COL9A2: variants seen among roughly 807,000 people sequenced by gnomAD.
COL9A2 encodes the protein collagen type IX alpha 2 chain.
Under a neutral mutation model 111.6 loss-of-function variants are expected in COL9A2, and 66 were observed. The observed-to-expected ratio is 0.59, with a 90% confidence interval of 0.48 to 0.73. The LOEUF is 0.73. Among genes scored for constraint, COL9A2 ranks in the 30% least tolerant of loss-of-function variants. COL9A2 has a pLI of 0.00. For synonymous variants in COL9A2, 353 were observed against 364.1 expected (o/e 0.97, Z 0.35); for missense variants, 881 against 954.1 (o/e 0.92, Z 1.01).
rs1457313425 is a variant in COL9A2 at position 40,309,831 on chromosome 1, TCA to T, written c.846+105_846+106del. On this transcript the variant is annotated intron_variant, in intron 16 of 31. Transcript: ENST00000372748. ...ACTCACACACACTACACATTCACAC[TCA>T]CGCACACACTCATGCACTCTCACAC... 4.2e-5 allele frequency: 45 copies of T among 1,064,596 alleles called. 1 individual carries two copies. In the Admixed American group the frequency reaches 7.3e-4, roughly 17 times the overall value. The allele number at this position is 1,064,596 out of a possible 1,614,324, so 65.9% of individuals were successfully genotyped here.
At position 40,301,279 on chromosome 1, in the gene COL9A2, A is replaced by C; in HGVS notation, c.1973T>G (p.Val658Gly). Reference sequence around the variant, plus strand: ...AGGTTCACAGAAGCCCGGCAGCCCCACGGGGCCTGGCAGGCCAGGTCGACC... The same window carrying C: ...AGGTTCACAGAAGCCCGGCAGCCCCCCGGGGCCTGGCAGGCCAGGTCGACC... ...EAGRPGLPGP[V>G]GLPGFCEPAA... The change falls in exon 32 of 32, where the codon GTG becomes GGG. Residue 658 changes from valine (V) to glycine (G), a missense_variant. Coordinates refer to ENST00000372748, the MANE Select transcript of COL9A2 (RefSeq NM_001852.4). The C allele has an allele frequency of 6.2e-7, 1 of 1,613,846 alleles. No homozygotes were observed. Among genetic ancestry groups the C allele is most frequent in the Non-Finnish European group, 8.5e-7 (1 of 1,179,878 alleles).
At position 40,317,225 on chromosome 1, in the gene COL9A2, G is replaced by C. The variant is rs1466237616; in HGVS notation, c.-28C>G. The C allele has an allele frequency of 1.3e-6, 2 of 1,548,786 alleles. No individual in the cohort carries two copies. Among genetic ancestry groups the C allele is most frequent in the Non-Finnish European group, 1.7e-6 (2 of 1,142,972 alleles). On this transcript the variant is annotated 5_prime_UTR_variant, in exon 1 of 32. Coordinates refer to ENST00000372748, the MANE Select transcript of COL9A2 (RefSeq NM_001852.4). This position sits in a 1 kb window ranked among gnomAD's most constrained non-coding sequence, Gnocchi z 4.3. ...CTGGCGGCGAGACCAAGGGGGACGG[G>C]TGCGTGTCCGCGCACGCACCGACGG...
chr1:40,311,968 G>C lies in COL9A2; in HGVS notation c.417+91C>G. 2 of 1,362,236 alleles carry C rather than the reference G, an allele frequency of 1.5e-6. No homozygotes were observed. The highest frequency in any genetic ancestry group is 2.5e-5 in the South Asian group (2 of 80,316). The allele number at this position is 1,362,236 out of a possible 1,614,324, so 84.4% of individuals were successfully genotyped here. ...TGGAGGAGTTTCCCAGTGGCCAGGAGCAGGCCCAGGAACTTCCAGAAAGAC... is the reference window on the plus strand; with the variant it reads ...TGGAGGAGTTTCCCAGTGGCCAGGACCAGGCCCAGGAACTTCCAGAAAGAC... On this transcript the variant is annotated intron_variant, in intron 8 of 31. Coordinates refer to ENST00000372748, the MANE Select transcript of COL9A2 (RefSeq NM_001852.4). The surrounding 1 kb of genome is among the most constrained non-coding windows in gnomAD (Gnocchi z 5.1).
chr1:40,312,840 A>G lies in COL9A2; in HGVS notation c.250-56T>C. On this transcript the variant is annotated intron_variant, in intron 4 of 31. Coordinates refer to ENST00000372748, the MANE Select transcript of COL9A2 (RefSeq NM_001852.4). This position sits in a 1 kb window ranked among gnomAD's most constrained non-coding sequence, Gnocchi z 6.0. ...AGGGCCAACCTGCTCCCTGACCCAC[A>G]GAGCAGGGCAGGTTCAAGGGTCCCT... 1.3e-6 allele frequency: 2 copies of G among 1,484,802 alleles called. No homozygotes were observed. The highest frequency in any genetic ancestry group is 9.2e-7 in the Non-Finnish European group (1 of 1,088,188). The allele number at this position is 1,484,802 out of a possible 1,614,324, so 92.0% of individuals were successfully genotyped here. A position where few individuals can be genotyped will look rare whatever the true frequency, so the allele number is the denominator to read the frequency against.
At chr1:40,308,475 C>G (rs1159379511) in intron 16 of COL9A2, among the ~76,000 whole-genome samples, 1 of 152,228 alleles carries the variant, frequency 6.6e-6, no homozygotes, top group Non-Finnish European at 1.5e-5. Flanking sequence ...TGAGCCAGAG[C>G]AGGGGTGGGA....
In COL9A2 at chr1:40,314,395, A is replaced by G. The variant is rs144162904; in HGVS notation, c.151-8T>C. On this transcript the variant is annotated splice_polypyrimidine_tract_variant and splice_region_variant and intron_variant, in intron 2 of 31. Transcript: ENST00000372748. This position sits in a 1 kb window ranked among gnomAD's most constrained non-coding sequence, Gnocchi z 4.1. ...AGGGGGCCCATTGTCACCCTGCAAGATACAAGTTGGTGAGACAGCACACTA... is the reference window on the plus strand; with the variant it reads ...AGGGGGCCCATTGTCACCCTGCAAGGTACAAGTTGGTGAGACAGCACACTA... 2.0e-4 allele frequency: 330 copies of G among 1,614,174 alleles called. 1 individual carries two copies. The African/African-American group carries it at 3.3e-3, about 16-fold the overall frequency.
chr1:40,306,488 A>G (rs1475846713), intron 19 of COL9A2, among the ~76,000 whole-genome samples: 2 of 152,194 alleles, frequency 1.3e-5, no homozygotes, highest in Non-Finnish European at 2.9e-5. Context: ...TGTGCACAGA[A>G]ACAGGTTTGG....
chr1:40,310,630 C>T lies in COL9A2; in HGVS notation c.684+84G>A, dbSNP rs1644107696. On this transcript the variant is annotated intron_variant, in intron 13 of 31. Transcript: ENST00000372748. The surrounding 1 kb of genome is among the most constrained non-coding windows in gnomAD (Gnocchi z 4.9). The stretch of plus-strand genomic sequence containing the variant: ...TAGACACAGGTGTCTCTTTTACAAG[C>T]TAGAGGCCTGAGCAGGGGAATGACT... 1 of 1,228,374 alleles carries T rather than the reference C, an allele frequency of 8.1e-7. No homozygotes were observed. The highest frequency in any genetic ancestry group is 1.2e-6 in the Non-Finnish European group (1 of 852,348). 76.1% of individuals were successfully genotyped at this position (1,228,374 alleles called of 1,614,324 possible).
Position 40,310,016 on chromosome 1 carries a change from C to A in COL9A2, c.793-25G>T. The A allele has an allele frequency of 1.2e-6, 2 of 1,614,182 alleles. No homozygotes were observed. The highest frequency in any genetic ancestry group is 8.5e-7 in the Non-Finnish European group (1 of 1,180,018). On this transcript the variant is annotated intron_variant, in intron 15 of 31. Transcript: ENST00000372748. The surrounding 1 kb of genome is among the most constrained non-coding windows in gnomAD (Gnocchi z 4.9). ...CCTGGCAAGAAAGACAAGCAGGAAT[C>A]CAGGTCACACAGGCTCAGGGGGAGC...
rs12077871 is a variant in COL9A2, at chr1:40,307,478, G to A, written c.976C>T (p.Gln326Ter). 22,894 of 1,614,022 alleles carry A rather than the reference G, an allele frequency of 0.014. 939 individuals are homozygous for A. The highest frequency in any genetic ancestry group is 0.12 in the East Asian group (5,160 of 44,864). The change falls in exon 19 of 32, where the codon CAG becomes TAG. Residue 326 changes from glutamine (Q) to a stop codon, truncating the protein, a stop_gained. Coordinates refer to ENST00000372748, the MANE Select transcript of COL9A2 (RefSeq NM_001852.4). LOFTEE classifies it high-confidence loss of function. The surrounding 1 kb of genome is among the most constrained non-coding windows in gnomAD (Gnocchi z 4.8). ...GMKGSAGQAG[Q>*]PGSPGHQGLA... ...CCCTGGTGGCCTGGACTTCCGGGCTGTCCCGCCTGTCCTGCACTGCCCTGG... is the reference window on the plus strand; with the variant it reads ...CCCTGGTGGCCTGGACTTCCGGGCTATCCCGCCTGTCCTGCACTGCCCTGG...
At position 40,308,213 on chromosome 1, in the gene COL9A2, G is replaced by C. The variant is rs371503621; in HGVS notation, c.879C>G (p.Ile293Met). ...CTACCGTTGCTCCTTTCGGGCCTGT[G>C]ATCCCCTGGGGTCCACGAATACCTG... is the stretch of plus-strand genomic sequence containing the variant. ...GSPGIRGPQG[I>M]TGPKGATGPP... is the part of the protein sequence containing the mutation. Residue 293 changes from isoleucine (I) to methionine (M), a missense_variant, in exon 17 of 32, where the codon ATC (isoleucine) becomes ATG (methionine). Transcript: ENST00000372748. 1 of 1,614,042 alleles carries C rather than the reference G, an allele frequency of 6.2e-7. No individual in the cohort carries two copies. The highest frequency in any genetic ancestry group is 1.3e-5 in the African/African-American group (1 of 74,934).
In COL9A2 at chr1:40,311,743, C is replaced by T. The variant is rs749797693; in HGVS notation, c.418-28G>A. ...GGAAGCAAAAGAAGCCCAAATCATA[C>T]CCCTGACCAGCCCTTACCAGCTTAC... On this transcript the variant is annotated intron_variant, in intron 8 of 31. Coordinates refer to ENST00000372748, the MANE Select transcript of COL9A2 (RefSeq NM_001852.4). The surrounding 1 kb of genome is among the most constrained non-coding windows in gnomAD (Gnocchi z 5.1). 1 of 1,612,566 alleles carries T rather than the reference C, an allele frequency of 6.2e-7. No individual in the cohort carries two copies. Among genetic ancestry groups the T allele is most frequent in the Non-Finnish European group, 8.5e-7 (1 of 1,179,256 alleles).
Position 40,311,216 on chromosome 1 carries a change from C to T in COL9A2, c.576+14G>A. 14 of 1,614,182 alleles carry T rather than the reference C, an allele frequency of 8.7e-6. No homozygotes were observed. Among genetic ancestry groups the T allele is most frequent in the Non-Finnish European group, 1.1e-5 (13 of 1,179,984 alleles). ...CTGCACCACCCTCCCAAGATTCAGG[C>T]CAGGAGCTCTCACCTTCACTCCCTG... On this transcript the variant is annotated intron_variant, in intron 11 of 31. Coordinates refer to ENST00000372748, the MANE Select transcript of COL9A2 (RefSeq NM_001852.4). The surrounding 1 kb of genome is among the most constrained non-coding windows in gnomAD (Gnocchi z 5.1).
At position 40,302,938 on chromosome 1, in the gene COL9A2, G is replaced by C; in HGVS notation, c.1604-129C>G. On this transcript the variant is annotated intron_variant, in intron 29 of 31. Transcript: ENST00000372748. The surrounding 1 kb of genome is among the most constrained non-coding windows in gnomAD (Gnocchi z 4.5). Reference sequence around the variant, plus strand: ...TGCAGACAGAAAAGCACCACCTTCCGTGGGCTCTGTTTTGCGGAAGTCAAA... The same window carrying C: ...TGCAGACAGAAAAGCACCACCTTCCCTGGGCTCTGTTTTGCGGAAGTCAAA... The C allele has an allele frequency of 1.7e-6, 2 of 1,144,996 alleles. No individual in the cohort carries two copies. The highest frequency in any genetic ancestry group is 2.5e-6 in the Non-Finnish European group (2 of 793,446). The allele number at this position is 1,144,996 out of a possible 1,614,324, so 70.9% of individuals were successfully genotyped here. A position where few individuals can be genotyped will look rare whatever the true frequency, so the allele number is the denominator to read the frequency against.
At position 40,301,807 on chromosome 1, in the gene COL9A2, C is replaced by T; in HGVS notation, c.1870+5G>A. The T allele has an allele frequency of 2.5e-6, 4 of 1,613,948 alleles. No homozygotes were observed. Among genetic ancestry groups the T allele is most frequent in the Non-Finnish European group, 3.4e-6 (4 of 1,179,872 alleles). On this transcript the variant is annotated splice_donor_5th_base_variant and intron_variant, in intron 31 of 31. Coordinates refer to ENST00000372748, the MANE Select transcript of COL9A2 (RefSeq NM_001852.4). The stretch of plus-strand genomic sequence containing the variant: ...CACTGCAGCTGGGCAGGGCCAATGG[C>T]TTACCTGGGATCCCTGGGGGCCCAG...
chr1:40,315,320 G>A lies in COL9A2; in HGVS notation c.150+270C>T, dbSNP rs935018250. On this transcript the variant is annotated intron_variant, in intron 2 of 31. Coordinates refer to ENST00000372748, the MANE Select transcript of COL9A2 (RefSeq NM_001852.4). ...CCACAAGGAGGGGAAAGGAGAGGAG[G>A]GGGATGAGGCCTCGCTGTGAGCTGC... 3.8e-6 allele frequency: 5 copies of A among 1,310,796 alleles called. No homozygotes were observed. In the Admixed American group the frequency reaches 1.8e-4, roughly 47 times the overall value. 81.2% of individuals were successfully genotyped at this position (1,310,796 alleles called of 1,614,324 possible).
rs1240886134 is a variant in COL9A2 at position 40,311,991 on chromosome 1, G to A, written c.417+68C>T. 1.3e-6 allele frequency: 2 copies of A among 1,510,700 alleles called. No homozygotes were observed. The highest frequency in any genetic ancestry group is 4.6e-5 in the East Asian group (2 of 43,262). 93.6% of individuals were successfully genotyped at this position (1,510,700 alleles called of 1,614,324 possible). A position where few individuals can be genotyped will look rare whatever the true frequency, so the allele number is the denominator to read the frequency against. On this transcript the variant is annotated intron_variant, in intron 8 of 31. Coordinates refer to ENST00000372748, the MANE Select transcript of COL9A2 (RefSeq NM_001852.4). The surrounding 1 kb of genome is among the most constrained non-coding windows in gnomAD (Gnocchi z 5.1). ...GAGCAGGCCCAGGAACTTCCAGAAA[G>A]ACCACCCAGCTTGCCAGCTTGGAGA...
Position 40,307,422 on chromosome 1 carries a change from CCT to C in COL9A2, c.1008+22_1008+23del, listed in dbSNP as rs1162613211. On this transcript the variant is annotated intron_variant, in intron 19 of 31. Transcript: ENST00000372748. This position sits in a 1 kb window ranked among gnomAD's most constrained non-coding sequence, Gnocchi z 4.8. ...ATCAGCCACTAGCCCCTGGCCAGCC[CCT>C]GTGGCTCCACCTGACACTTACCGCT... 2.5e-6 allele frequency: 4 copies of C among 1,612,742 alleles called. No individual in the cohort carries two copies. Among genetic ancestry groups the C allele is most frequent in the South Asian group, 1.1e-5 (1 of 90,726 alleles).
Position 40,315,941 on chromosome 1 carries a change from T to C in COL9A2, c.76-277A>G, listed in dbSNP as rs12132506. 0.16 allele frequency: 59,575 copies of C among 361,982 alleles called. 6,562 individuals are homozygous for C. Among genetic ancestry groups the C allele is most frequent in the East Asian group, 0.45 (10,412 of 23,154 alleles). 22.4% of individuals were successfully genotyped at this position (361,982 alleles called of 1,614,324 possible). A position where few individuals can be genotyped will look rare whatever the true frequency, so the allele number is the denominator to read the frequency against. ...GTGAAGGGTCCATGGTCACTGAGAGTGGGCGGCGGCGCCAGGAGTCCGCCC... is the reference window on the plus strand; with the variant it reads ...GTGAAGGGTCCATGGTCACTGAGAGCGGGCGGCGGCGCCAGGAGTCCGCCC... On this transcript the variant is annotated intron_variant, in intron 1 of 31. Transcript: ENST00000372748.
Sources: gnomAD v4.1 joint callset for allele counts (sites outside exome capture counted in the v4.1 genomes callset) on GRCh38, gnomAD v4.1.1 for gene constraint, Gnocchi (gnomAD v3.1) non-coding constraint, MANE v1.5 for transcripts, NCBI Gene and HGNC (gene_info 2026-07-23, HGNC 2026-07-21) for gene names.